CPED1: variants seen among roughly 807,000 people sequenced by gnomAD.
The protein encoded by CPED1 is cadherin-like and PC-esterase domain-containing protein 1.
CPED1 carries 114 observed loss-of-function variants against 128.2 expected under a neutral mutation model. That is an observed-to-expected ratio of 0.89 (90% CI 0.76 to 1.04). The LOEUF is 1.04. Ranked by LOEUF, CPED1 falls within the 50% of genes least tolerant of loss-of-function variation. The pLI, the probability that CPED1 is intolerant of heterozygous loss-of-function variation, is 0.00. For synonymous variants in CPED1, 462 were observed against 426.7 expected (o/e 1.08, Z -1.02); for missense variants, 1,211 against 1,207.1 (o/e 1.00, Z -0.05).
At chr7:120,995,321 G>A (rs1260825891) in intron 2 of CPED1, among the ~76,000 whole-genome samples, 3 of 152,040 alleles carry the variant, frequency 2.0e-5, no homozygotes, top group Non-Finnish European at 4.4e-5. Context: ...TCTGCTATTG[G>A]GAAGTGACTC....
rs1798264610 is a variant in CPED1, at chr7:121,236,756, C to A, written c.2098C>A (p.Gln700Lys). The change falls in exon 17 of 23, where the codon CAG becomes AAG. Residue 700 changes from glutamine to lysine, a missense_variant. Transcript: ENST00000310396. ...TCATCCAGAGGAAACCTGTGGGTTACAGCCTATTTCTTCTGACTACATTGA... is the reference window on the plus strand; with the variant it reads ...TCATCCAGAGGAAACCTGTGGGTTAAAGCCTATTTCTTCTGACTACATTGA... ...LIHPEETCGL[Q>K]PISSDYIEAI... The A allele has an allele frequency of 6.2e-7, 1 of 1,609,458 alleles. No homozygotes were observed. Among genetic ancestry groups the A allele is most frequent in the Admixed American group, 1.7e-5 (1 of 58,952 alleles).
At chr7:121,051,440 G>A in intron 4 of CPED1, 3 of 485,320 alleles carry the variant, frequency 6.2e-6, no homozygotes, top group East Asian at 6.9e-5. Flanking sequence ...AAATAGTGTG[G>A]GATATTGAAT....
intron 3 of CPED1, among the ~76,000 whole-genome samples, chr7:121,040,580 A>G (rs1585034127): frequency 6.6e-6 from 1 of 152,116 alleles, no homozygotes; most frequent in African/African-American, 2.4e-5. Flanking sequence ...ACTCATGAAC[A>G]TAATACTATG....
intron 16 of CPED1, among the ~76,000 whole-genome samples, chr7:121,202,068 C>T (rs1797412543): frequency 6.6e-6 from 1 of 152,132 alleles, no homozygotes; most frequent in African/African-American, 2.4e-5. Flanking sequence ...CTATTCTAGA[C>T]TTAGACATCA....
At chr7:121,211,125 C>T (rs1166093581) in intron 16 of CPED1, among the ~76,000 whole-genome samples, 1 of 151,962 alleles carries the variant, frequency 6.6e-6, no homozygotes, top group Admixed American at 6.6e-5. Flanking sequence ...TTTCCATAAA[C>T]TTTTTAGAGT....
chr7:121,273,173 T>G (rs1410509912), intron 22 of CPED1, among the ~76,000 whole-genome samples: 4 of 152,076 alleles, frequency 2.6e-5, no homozygotes, highest in Non-Finnish European at 5.9e-5. Context: ...ACTCGTGAGG[T>G]GACAACTAAA....
chr7:121,015,568 A>G (rs533805165), intron 2 of CPED1, 97 bp from the exon 3 acceptor site: 199 of 1,138,544 alleles, frequency 1.7e-4, no homozygotes, highest in Non-Finnish European at 2.3e-4. Context: ...AAAACTTTAG[A>G]ATAACTTCCC....
intron 3 of CPED1, among the ~76,000 whole-genome samples, chr7:121,027,656 T>C (rs1450728099): frequency 2.0e-5 from 3 of 151,808 alleles, no homozygotes; most frequent in African/African-American, 4.8e-5. Context: ...GAAGTCTCTT[T>C]GTAACATTCT....
intron 4 of CPED1, among the ~76,000 whole-genome samples, chr7:121,048,653 C>A (rs1463451377): frequency 2.0e-5 from 3 of 152,148 alleles, no homozygotes; most frequent in African/African-American, 7.2e-5. Flanking sequence ...AATTATTGGG[C>A]CTCAGCCACC....
At chr7:120,989,058 AATGAAGGGAAGCAT>A (rs1796266778) in intron 1 of CPED1, 146 bp downstream of exon 1, 2 of 154,096 alleles carry the variant, frequency 1.3e-5, no homozygotes, top group African/African-American at 4.8e-5. Context: ...TTTAAAACTA[AATGAAGGGAAGCAT>A]ACAAAAGGCT....
chr7:121,267,767 C>A (rs1323513112), intron 21 of CPED1, among the ~76,000 whole-genome samples: 1 of 151,988 alleles, frequency 6.6e-6, no homozygotes, highest in African/African-American at 2.4e-5. Flanking sequence ...GGACGAGAAC[C>A]AGCTGCTCTT....
Position 121,266,730 on chromosome 7 carries a change from G to C in CPED1, c.2555G>C (p.Gly852Ala). 1 of 1,612,792 alleles carries C rather than the reference G, an allele frequency of 6.2e-7. No individual in the cohort carries two copies. Among genetic ancestry groups the C allele is most frequent in the Non-Finnish European group, 8.5e-7 (1 of 1,179,146 alleles). ...LQRSRPLENT[G>A]QTVLVVGGVQ... Reference sequence around the variant, plus strand: ...AGATCACGTCCCCTAGAGAATACTGGCCAGACTGTATTGGTTGTTGGTGGT... The same window carrying C: ...AGATCACGTCCCCTAGAGAATACTGCCCAGACTGTATTGGTTGTTGGTGGT... Residue 852 changes from glycine to alanine, a missense_variant, in exon 20 of 23, where the codon GGC becomes GCC. Gly to Ala is a moderately conservative substitution (Grantham distance 60). Transcript: ENST00000310396.
chr7:121,137,946 T>C (rs1266503886), intron 14 of CPED1, among the ~76,000 whole-genome samples: 2 of 152,082 alleles, frequency 1.3e-5, no homozygotes, highest in African/African-American at 2.4e-5. Flanking sequence ...AAGGATTGCA[T>C]TGGATGATCT....
chr7:121,036,425 C>A (rs1792889793), intron 3 of CPED1, among the ~76,000 whole-genome samples: 1 of 151,554 alleles, frequency 6.6e-6, no homozygotes, highest in South Asian at 2.1e-4. Flanking sequence ...CCAGTTCCAT[C>A]CAGGTTGCAG....
intron 7 of CPED1, among the ~76,000 whole-genome samples, chr7:121,107,492 G>T (rs117206111): frequency 6.6e-6 from 1 of 152,002 alleles, no homozygotes; most frequent in African/African-American, 2.4e-5. Context: ...ATATTCAGCC[G>T]ATTCAGGGAG....
At chr7:121,244,694 G>T (rs899274400) in intron 18 of CPED1, among the ~76,000 whole-genome samples, 8 of 152,230 alleles carry the variant, frequency 5.3e-5, no homozygotes, top group Admixed American at 3.9e-4. Context: ...TGCAGCTCTG[G>T]CAGGCACTGC....
At chr7:121,231,099 C>A (rs1798130936) in intron 16 of CPED1, among the ~76,000 whole-genome samples, 1 of 151,972 alleles carries the variant, frequency 6.6e-6, no homozygotes, top group South Asian at 2.1e-4. Context: ...AGTAAGAGCA[C>A]TAAGGGCATG....
intron 7 of CPED1, among the ~76,000 whole-genome samples, chr7:121,120,966 T>TAAAAAAAAAAAAAAAAAAAAAAAA (rs539242359): frequency 1.1e-5 from 1 of 91,656 alleles, no homozygotes; most frequent in African/African-American, 3.8e-5. Flanking sequence ...GTTCCTGACC[T>TAAAAAAAAAAAAAAAAAAAAAAAA]AAAAAAAAAA....
intron 16 of CPED1, among the ~76,000 whole-genome samples, chr7:121,180,426 T>C (rs1271174321): frequency 2.6e-5 from 4 of 152,072 alleles, no homozygotes; most frequent in Non-Finnish European, 4.4e-5. Flanking sequence ...TTAAAAAAAT[T>C]CTGAGGCTCT....
Sources: allele counts gnomAD v4.1 joint callset (sites outside exome capture counted in the v4.1 genomes callset), GRCh38; gene constraint gnomAD v4.1.1; transcripts MANE v1.5; gene names NCBI Gene and HGNC (gene_info 2026-07-23, HGNC 2026-07-21).